AXIN1: variants seen among roughly 807,000 people sequenced by gnomAD.
AXIN1 encodes the protein axin 1.
In AXIN1, 30 loss-of-function variants were observed where a neutral mutation model predicts 76.4. The ratio of observed to expected loss-of-function variants is 0.39; its 90% CI spans 0.29 to 0.53. The LOEUF is 0.53. AXIN1 is among the 20% of genes least tolerant of loss of function. The pLI is 0.66. For synonymous variants in AXIN1, 545 were observed against 501.4 expected, an observed-to-expected ratio of 1.09 and a Z score of -1.16; for missense variants, 1,140 against 1,198.8, an observed-to-expected ratio of 0.95 and a Z score of 0.72.
chr16:346,874 C>T lies in AXIN1; in HGVS notation c.152G>A (p.Gly51Asp), dbSNP rs1191370646. ...SYSFCSGKGV[G>D]IKGETSTATP... ...GGCCGTCGAAGTCTCACCTTTAATG[C>T]CAACACCTTTCCCGGAGCAGAAACT... is the stretch of plus-strand genomic sequence containing the variant. Residue 51 changes from glycine (G) to aspartate (D), a missense_variant, in exon 2 of 11, where the codon GGC becomes GAC. Physicochemically the swap from Gly to Asp is moderately conservative, Grantham distance 94. Around this residue, in one of 3 missense-constraint regions of AXIN1, gnomAD observed 708 missense variants for 776.9 expected, o/e 0.91. Transcript: ENST00000262320. 6.2e-7 allele frequency: 1 copy of T among 1,613,770 alleles called. No individual in the cohort carries two copies. The highest frequency in any genetic ancestry group is 8.5e-7 in the Non-Finnish European group (1 of 1,179,648).
rs532738848 is a variant in AXIN1 at position 293,215 on chromosome 16, C to T, written c.2186+273G>A. The stretch of plus-strand genomic sequence containing the variant: ...TGGGGCCCTGCAGCCTCCCTGCAGA[C>T]TGGGCTCAGGTTGAGGAGGGACCCC... On this transcript the variant is annotated intron_variant, in intron 8 of 10. Coordinates refer to ENST00000262320, the MANE Select transcript of AXIN1 (RefSeq NM_003502.4). This position sits in a 1 kb window ranked among gnomAD's most constrained non-coding sequence, Gnocchi z 4.6. 2.8e-5 allele frequency: 15 copies of T among 528,256 alleles called. No individual in the cohort carries two copies. In the South Asian group the frequency reaches 2.9e-4, roughly 10 times the overall value. The allele number at this position is 528,256 out of a possible 1,614,324, so 32.7% of individuals were successfully genotyped here. A position where few individuals can be genotyped will look rare whatever the true frequency, so the allele number is the denominator to read the frequency against.
chr16:307,398 GCCAAGTAAATGAAAACGTGAAACTT>G (rs1387630207), intron 4 of AXIN1, among the ~76,000 whole-genome samples: 1 of 152,202 alleles, frequency 6.6e-6, no homozygotes, highest in Non-Finnish European at 1.5e-5. Context: ...AAAGGAAAAA[GCCAAGTAAATGAAAACGTGAAACTT>G]CCAAGTAATT....
intron 3 of AXIN1, among the ~76,000 whole-genome samples, chr16:310,406 C>CT (rs2053145487): frequency 1.3e-5 from 2 of 151,568 alleles, no homozygotes; most frequent in Admixed American, 6.6e-5. Flanking sequence ...TTTTTTTCTT[C>CT]TTTTTTTTGA....
rs2141458538 is a variant in AXIN1, at chr16:288,094, C to T, written c.*28G>A. ...CACCCGTGCCCGCCAAGGGCCTCGC[C>T]TGGCACAGCGGCCAGCCCACCAGCC... On this transcript the variant is annotated 3_prime_UTR_variant, in exon 11 of 11. Coordinates refer to ENST00000262320, the MANE Select transcript of AXIN1 (RefSeq NM_003502.4). 6.2e-7 allele frequency: 1 copy of T among 1,612,958 alleles called. No individual in the cohort carries two copies.
chr16:320,479 T>G (rs963028391), intron 2 of AXIN1, among the ~76,000 whole-genome samples: 2 of 151,958 alleles, frequency 1.3e-5, no homozygotes, highest in Admixed American at 1.3e-4. Context: ...TACACAAAAT[T>G]ATGATGCTTC....
chr16:333,266 C>T (rs960699810), intron 2 of AXIN1, among the ~76,000 whole-genome samples: 6 of 151,286 alleles, frequency 4.0e-5, no homozygotes, highest in Admixed American at 3.9e-4. Flanking sequence ...CGGGAGGCAG[C>T]GGATGCAGTG....
intron 5 of AXIN1, among the ~76,000 whole-genome samples, chr16:302,309 A>C (rs540936702): frequency 2.0e-4 from 30 of 152,378 alleles, no homozygotes; most frequent in South Asian, 1.2e-3. Flanking sequence ...TGGAGCTGGC[A>C]CCACCCACAC....
chr16:338,910 C>A (rs543683349), intron 2 of AXIN1, among the ~76,000 whole-genome samples: 1 of 149,414 alleles, frequency 6.7e-6, no homozygotes, highest in Non-Finnish European at 1.5e-5. Flanking sequence ...GTGACAAGAG[C>A]GAAACTCCAT....
At chr16:304,219 C>T (rs2052953473) in intron 5 of AXIN1, 85 bp downstream of exon 5, 1 of 1,594,178 alleles carries the variant, frequency 6.3e-7, no homozygotes, top group Admixed American at 1.7e-5. Flanking sequence ...CCCCGGGCAT[C>T]CCCATGAAGA....
At position 321,849 on chromosome 16, in the gene AXIN1, C is replaced by T. The variant is rs552683876; in HGVS notation, c.879-7166G>A. Among the ~76,000 whole-genome samples, 5 of 152,348 alleles carry T rather than the reference C, an allele frequency of 3.3e-5. No individual in the cohort carries two copies. The South Asian group carries it at 1.0e-3, about 32-fold the overall frequency. On this transcript the variant is annotated intron_variant, in intron 2 of 10. Coordinates refer to ENST00000262320, the MANE Select transcript of AXIN1 (RefSeq NM_003502.4). ...CCAACCTCAAAGTGTTATCCAGACACAGCCTTGCCCTTCGTTGACGGGCAC... is the reference window on the plus strand; with the variant it reads ...CCAACCTCAAAGTGTTATCCAGACATAGCCTTGCCCTTCGTTGACGGGCAC...
intron 2 of AXIN1, 109 bp downstream of exon 2, chr16:346,039 G>A: frequency 9.4e-7 from 1 of 1,069,094 alleles, no homozygotes; most frequent in Non-Finnish European, 1.4e-6. Flanking sequence ...CCCAGCGGCA[G>A]CAGGACATCC....
At position 304,515 on chromosome 16, in the gene AXIN1, G is replaced by A; in HGVS notation, c.1117-74C>T. On this transcript the variant is annotated intron_variant, in intron 4 of 10. Coordinates refer to ENST00000262320, the MANE Select transcript of AXIN1 (RefSeq NM_003502.4). ...AAACATTTCTTTGTGAAGGGAAAGA[G>A]CGTGTGCTATCTCTGTTGTATTTTA... The A allele has an allele frequency of 2.5e-6, 4 of 1,600,492 alleles. No individual in the cohort carries two copies. The South Asian group carries it at 3.3e-5, about 13-fold the overall frequency.
Position 295,674 on chromosome 16 carries a change from G to A in AXIN1, c.1955+1382C>T, listed in dbSNP as rs547274256. Among the ~76,000 whole-genome samples, 5 of 152,194 alleles carry A rather than the reference G, an allele frequency of 3.3e-5. No homozygotes were observed. The South Asian group carries it at 1.0e-3, about 32-fold the overall frequency. On this transcript the variant is annotated intron_variant, in intron 7 of 10. Transcript: ENST00000262320. ...TAGTATATACAGCTATTTAAAAAAA[G>A]GATTCGGCCGGGCACGGTGGCTCAC...
chr16:316,997 C>T (rs2053318007), intron 2 of AXIN1, among the ~76,000 whole-genome samples: 1 of 152,218 alleles, frequency 6.6e-6, no homozygotes, highest in Non-Finnish European at 1.5e-5. Context: ...GGGCCGCCCT[C>T]CACGTGCACA....
intron 5 of AXIN1, among the ~76,000 whole-genome samples, chr16:303,765 G>C (rs1364290672): frequency 2.0e-5 from 3 of 152,186 alleles, no homozygotes; most frequent in Non-Finnish European, 2.9e-5. Flanking sequence ...TCGTGGCCAT[G>C]TGAAAGGGAC....
At chr16:321,467 G>A (rs189340583) in intron 2 of AXIN1, among the ~76,000 whole-genome samples, 30 of 152,370 alleles carry the variant, frequency 2.0e-4, no homozygotes, top group African/African-American at 5.8e-4. Flanking sequence ...AGTACACCAC[G>A]TAAAATAATT....
intron 5 of AXIN1, chr16:299,120 A>G: frequency 3.0e-6 from 3 of 985,432 alleles, no homozygotes; most frequent in Non-Finnish European, 3.6e-6. Context: ...GGTTATGTAC[A>G]TGTTGTGATG....
chr16:320,026 C>T (rs1332143246), intron 2 of AXIN1, among the ~76,000 whole-genome samples: 3 of 152,162 alleles, frequency 2.0e-5, no homozygotes, highest in African/African-American at 7.2e-5. Flanking sequence ...TGTGCCTGGA[C>T]ATGTCTCAAT....
intron 2 of AXIN1, among the ~76,000 whole-genome samples, chr16:341,435 C>T (rs998985249): frequency 1.3e-5 from 2 of 152,226 alleles, no homozygotes; most frequent in African/African-American, 2.4e-5. Flanking sequence ...TGTGCTGGGT[C>T]CCCCGGCAGT....
Sources: gnomAD v4.1 joint callset for allele counts (sites outside exome capture counted in the v4.1 genomes callset) on GRCh38, gnomAD v4.1.1 for gene constraint, gnomAD v4.1.1 regional missense constraint, Gnocchi (gnomAD v3.1) non-coding constraint, MANE v1.5 for transcripts, NCBI Gene and HGNC (gene_info 2026-07-23, HGNC 2026-07-21) for gene names.